The following RBFOX1 variants were observed in gnomAD, a reference collection of about 807,000 sequenced individuals.
RBFOX1 encodes RNA binding protein fox-1 homolog 1.
A neutral mutation model predicts 57.7 loss-of-function variants in RBFOX1; 8 were observed. That is an observed-to-expected ratio of 0.14 (90% confidence interval 0.08 to 0.25). The LOEUF is 0.25. Among genes scored for constraint, RBFOX1 ranks in the 10% least tolerant of loss-of-function variants. The pLI, the probability that RBFOX1 is intolerant of heterozygous loss-of-function variation, is 1.00. For synonymous variants in RBFOX1, 326 were observed against 222.4 expected, an observed-to-expected ratio of 1.47 and a Z score of -4.15; for missense variants, 611 against 548.5, an observed-to-expected ratio of 1.11 and a Z score of -1.14.
intron 4 of RBFOX1, among the ~76,000 whole-genome samples, chr16:6,004,717 A>G (rs1230108504): frequency 1.3e-5 from 2 of 152,212 alleles, no homozygotes; most frequent in African/African-American, 2.4e-5. Context: ...TCATCAGGGT[A>G]TATTGATACT....
At chr16:7,708,065 G>C (rs558388001) in intron 14 of RBFOX1, among the ~76,000 whole-genome samples, 1 of 152,308 alleles carries the variant, frequency 6.6e-6, no homozygotes, top group East Asian at 1.9e-4. Flanking sequence ...ATCAGGCTGA[G>C]TGCAGTGACT....
intron 10 of RBFOX1, among the ~76,000 whole-genome samples, chr16:7,620,234 G>A (rs2059103716): frequency 6.6e-6 from 1 of 152,096 alleles, no homozygotes; most frequent in South Asian, 2.1e-4. Context: ...ACACTTTCAT[G>A]CCATAGTTGT....
intron 10 of RBFOX1, among the ~76,000 whole-genome samples, chr16:7,624,065 T>C (rs572142057): frequency 6.6e-6 from 1 of 152,296 alleles, no homozygotes; most frequent in Admixed American, 6.5e-5. Context: ...TCATCTAAAA[T>C]TTACCTCTGG....
intron 1 of RBFOX1, among the ~76,000 whole-genome samples, chr16:6,069,189 G>T (rs1023592987): frequency 1.3e-5 from 2 of 151,888 alleles, no homozygotes; most frequent in African/African-American, 4.8e-5. Flanking sequence ...ACCTGAGGTC[G>T]GGAGTTGGAG....
At chr16:5,734,375 C>G (rs1226338832) in intron 3 of RBFOX1, among the ~76,000 whole-genome samples, 1 of 152,136 alleles carries the variant, frequency 6.6e-6, no homozygotes, top group East Asian at 1.9e-4. Flanking sequence ...CTGCAGTTAG[C>G]TGTAATTGTG....
chr16:5,356,481 C>T (rs1387213582), intron 1 of RBFOX1, among the ~76,000 whole-genome samples: 1 of 152,142 alleles, frequency 6.6e-6, no homozygotes, highest in African/African-American at 2.4e-5. Context: ...CCTTGAGGAC[C>T]ATTGGTTGCT....
At chr16:6,133,898 T>C (rs2096647492) in intron 1 of RBFOX1, among the ~76,000 whole-genome samples, 2 of 152,056 alleles carry the variant, frequency 1.3e-5, no homozygotes, top group Admixed American at 1.3e-4. Context: ...CAGCTCAAAT[T>C]AGGGGACATT....
At chr16:5,632,071 G>A (rs1232241000) in intron 3 of RBFOX1, among the ~76,000 whole-genome samples, 3 of 152,230 alleles carry the variant, frequency 2.0e-5, no homozygotes, top group African/African-American at 7.2e-5. Context: ...AAGCCAAGGA[G>A]GGCACAGAGG....
At chr16:5,288,278 C>T (rs906150633) in intron 1 of RBFOX1, among the ~76,000 whole-genome samples, 3 of 152,072 alleles carry the variant, frequency 2.0e-5, no homozygotes, top group African/African-American at 7.2e-5. Context: ...ATTTGCATAC[C>T]ACAAAGAAGG....
intron 2 of RBFOX1, chr16:6,483,480 G>A: frequency 1.3e-6 from 2 of 1,535,754 alleles, no homozygotes; most frequent in Middle Eastern, 1.7e-4. Flanking sequence ...GAGGAAACAG[G>A]AGGCACTTTG....
intron 3 of RBFOX1, among the ~76,000 whole-genome samples, chr16:5,618,627 G>A (rs1184415118): frequency 2.0e-5 from 3 of 152,116 alleles, no homozygotes; most frequent in Admixed American, 1.3e-4. Context: ...GTGAGCCATC[G>A]CGCCCAGCTG....
chr16:7,544,142 C>T (rs1002608369), intron 5 of RBFOX1, among the ~76,000 whole-genome samples: 1 of 152,222 alleles, frequency 6.6e-6, no homozygotes, highest in South Asian at 2.1e-4. Context: ...GAAACCAACG[C>T]TTACTCCTAA....
intron 3 of RBFOX1, among the ~76,000 whole-genome samples, chr16:5,746,176 C>A (rs2052973401): frequency 6.6e-6 from 1 of 152,316 alleles, no homozygotes; most frequent in African/African-American, 2.4e-5. Flanking sequence ...GTTTTCCCAG[C>A]ACCATTTATT....
intron 4 of RBFOX1, among the ~76,000 whole-genome samples, chr16:7,348,795 A>G (rs775811749): frequency 1.3e-5 from 2 of 152,156 alleles, no homozygotes; most frequent in Non-Finnish European, 2.9e-5. Flanking sequence ...TGCCAAAATT[A>G]GCCAGGGGTG....
At chr16:6,551,740 A>T (rs2096992979) in intron 2 of RBFOX1, among the ~76,000 whole-genome samples, 1 of 152,202 alleles carries the variant, frequency 6.6e-6, no homozygotes, top group African/African-American at 2.4e-5. Flanking sequence ...ATGATTGATA[A>T]TAAGGCAGCA....
intron 2 of RBFOX1, among the ~76,000 whole-genome samples, chr16:6,317,757 G>A (rs777068738): frequency 6.6e-6 from 1 of 152,102 alleles, no homozygotes; most frequent in Non-Finnish European, 1.5e-5. Flanking sequence ...CCTTCACAAA[G>A]TCTCTGATGT....
chr16:5,577,506 C>G (rs2046504365), intron 2 of RBFOX1, among the ~76,000 whole-genome samples: 1 of 152,210 alleles, frequency 6.6e-6, no homozygotes, highest in African/African-American at 2.4e-5. Context: ...CCTACTCATC[C>G]TTATCCCCAG....
chr16:6,132,645 A>G (rs953038), intron 1 of RBFOX1, among the ~76,000 whole-genome samples: 7,555 of 152,236 alleles, frequency 0.05, 655 homozygotes, highest in African/African-American at 0.17. Context: ...GGTGGCATGG[A>G]CTGTGAGTTA....
intron 1 of RBFOX1, among the ~76,000 whole-genome samples, chr16:6,258,976 A>G (rs910532375): frequency 1.3e-5 from 2 of 152,228 alleles, no homozygotes; most frequent in Admixed American, 6.5e-5. Context: ...TTCATTTACA[A>G]CATTAGATGA....
Sources: allele counts gnomAD v4.1 joint callset (sites outside exome capture counted in the v4.1 genomes callset), GRCh38; gene constraint gnomAD v4.1.1; transcripts MANE v1.5; gene names NCBI Gene and HGNC (gene_info 2026-07-23, HGNC 2026-07-21).